The following CCSER2 variants were observed in gnomAD, a reference collection of about 807,000 sequenced individuals.
The protein encoded by CCSER2 is serine-rich coiled-coil domain-containing protein 2.
In CCSER2, 46 loss-of-function variants were observed where a neutral mutation model predicts 92.3. The ratio of observed to expected loss-of-function variants is 0.50; its 90% CI spans 0.39 to 0.64. The LOEUF is 0.64. CCSER2 is among the 30% of genes least tolerant of loss of function. The pLI is 0.00. For missense variants in CCSER2, 1,244 were observed against 1,238.9 expected (o/e 1.00, Z -0.06); for synonymous variants, 433 against 431.4 (o/e 1.00, Z -0.04).
chr10:84,494,967 CTGA>C (rs1240872392), intron 9 of CCSER2, among the ~76,000 whole-genome samples: 1 of 144,948 alleles, frequency 6.9e-6, no homozygotes, highest in Non-Finnish European at 1.5e-5. Context: ...CACAAAACTG[CTGA>C]TGTCTGCTTT....
In CCSER2 at chr10:84,441,734, A is replaced by ATTTTTTTTTTTTTT. The variant is rs1564667385; in HGVS notation, c.2064+3028_2064+3029insTTTTTTTTTTTTTT. ...GGGAATAAAGTAGAAGACTGGGAAA[A>ATTTTTTTTTTTTTT]TGTTTTTTTTTTTTTTTTTTTTTTT... On this transcript the variant is annotated intron_variant, in intron 6 of 9. Coordinates refer to ENST00000372088, the MANE Select transcript of CCSER2 (RefSeq NM_001284240.2). Among the ~76,000 whole-genome samples, 26 of 106,444 alleles carry ATTTTTTTTTTTTTT rather than the reference A, an allele frequency of 2.4e-4. 2 individuals are homozygous for ATTTTTTTTTTTTTT. The highest frequency in any genetic ancestry group is 3.7e-4 in the Non-Finnish European group (20 of 54,114). The allele number at this position is 106,444 out of a possible 152,430, so 69.8% of individuals were successfully genotyped here.
Position 84,336,530 on chromosome 10 carries a change from A to G in CCSER2, c.-40+7722A>G, listed in dbSNP as rs530794714. 2.4e-3 allele frequency among the ~76,000 whole-genome samples: 367 copies of G among 152,284 alleles called. 1 individual carries two copies. The highest frequency in any genetic ancestry group is 8.4e-3 in the African/African-American group (351 of 41,568). On this transcript the variant is annotated intron_variant, in intron 1 of 9. Coordinates refer to ENST00000372088, the MANE Select transcript of CCSER2 (RefSeq NM_001284240.2). ...GAATGTGATCTATGCAGATATTAGG[A>G]GAGAGAGAGTACTTGATGAAGATAG... is the stretch of plus-strand genomic sequence containing the variant.
intron 3 of CCSER2, among the ~76,000 whole-genome samples, chr10:84,399,907 T>TTTTC (rs1018703189): frequency 1.3e-4 from 19 of 151,092 alleles, no homozygotes; most frequent in South Asian, 2.1e-4. Context: ...TTCTGTCTTT[T>TTTTC]TTTCTTTCTT....
chr10:84,371,744 C>G lies in CCSER2; in HGVS notation c.692C>G (p.Ser231Ter). The G allele has an allele frequency of 6.2e-7, 1 of 1,613,338 alleles. No individual in the cohort carries two copies. The highest frequency in any genetic ancestry group is 8.5e-7 in the Non-Finnish European group (1 of 1,179,554). ...AGTTTTTCACATTCCATTCAGAATT[C>G]ATTCCTTCCACCTTCATCTATAACC... ...SQSFSHSIQN[S>*]FLPPSSITRS... Residue 231 changes from serine (S) to a stop codon, truncating the protein, a stop_gained, in exon 2 of 10, where the codon TCA (serine) becomes TGA (stop). Transcript: ENST00000372088. LOFTEE classifies it high-confidence loss of function.
At chr10:84,441,737 T>A (rs1327511036) in intron 6 of CCSER2, among the ~76,000 whole-genome samples, 6 of 5,104 alleles carry the variant, frequency 1.2e-3, no homozygotes, top group Admixed American at 2.6e-3. Context: ...TGGGAAAATG[T>A]TTTTTTTTTT....
chr10:84,433,307 C>T lies in CCSER2; in HGVS notation c.1869-5205C>T, dbSNP rs190501654. Among the ~76,000 whole-genome samples the T allele has an allele frequency of 4.3e-3, 659 of 152,188 alleles. 10 individuals carry two copies. Among genetic ancestry groups the T allele is most frequent in the Non-Finnish European group, 3.5e-3 (241 of 68,012 alleles). On this transcript the variant is annotated intron_variant, in intron 5 of 9. Transcript: ENST00000372088. ...AAATGTTACCACAAACATAAAAATA[C>T]GTACATTTAACTTTTAGTATAAAGT...
At chr10:84,471,710 A>T (rs1442778389) in intron 8 of CCSER2, among the ~76,000 whole-genome samples, 1 of 152,188 alleles carries the variant, frequency 6.6e-6, no homozygotes, top group Non-Finnish European at 1.5e-5. Flanking sequence ...CTGAGCCACT[A>T]GTTGGAGAAA....
intron 3 of CCSER2, among the ~76,000 whole-genome samples, chr10:84,387,428 C>T (rs142020845): frequency 1.9e-4 from 29 of 152,310 alleles, no homozygotes; most frequent in African/African-American, 7.0e-4. Flanking sequence ...TTACTCCTTT[C>T]TTCGTACGTC....
chr10:84,332,913 T>A (rs1391604741), intron 1 of CCSER2, among the ~76,000 whole-genome samples: 1 of 152,186 alleles, frequency 6.6e-6, no homozygotes, highest in Non-Finnish European at 1.5e-5. Flanking sequence ...CTTCTAGAAT[T>A]CATTTTGTTA....
At chr10:84,396,577 A>G (rs992664841) in intron 3 of CCSER2, among the ~76,000 whole-genome samples, 3 of 151,990 alleles carry the variant, frequency 2.0e-5, no homozygotes, top group Non-Finnish European at 4.4e-5. Context: ...TAAAGTACTC[A>G]TTTATTTCAT....
intron 3 of CCSER2, among the ~76,000 whole-genome samples, chr10:84,382,925 A>C (rs1840992543): frequency 6.6e-6 from 1 of 152,242 alleles, no homozygotes; most frequent in Non-Finnish European, 1.5e-5. Context: ...CATGAGGCTA[A>C]CACATTTTAT....
intron 3 of CCSER2, among the ~76,000 whole-genome samples, chr10:84,385,902 C>A (rs908462469): frequency 6.6e-5 from 10 of 151,596 alleles, no homozygotes; most frequent in South Asian, 6.3e-4. Context: ...ATGTATAACT[C>A]CATTAAAAAA....
intron 6 of CCSER2, among the ~76,000 whole-genome samples, chr10:84,446,928 C>T (rs1276170526): frequency 6.6e-6 from 1 of 151,614 alleles, no homozygotes; most frequent in African/African-American, 2.4e-5. Context: ...ATGTTTGGCT[C>T]TACTTCATTA....
At chr10:84,468,400 T>C (rs1846580326) in intron 7 of CCSER2, among the ~76,000 whole-genome samples, 1 of 152,228 alleles carries the variant, frequency 6.6e-6, no homozygotes, top group Non-Finnish European at 1.5e-5. Context: ...CCTGATCTAA[T>C]CACTATAAAT....
intron 3 of CCSER2, among the ~76,000 whole-genome samples, chr10:84,381,467 GA>G (rs1202471699): frequency 6.6e-6 from 1 of 152,146 alleles, no homozygotes; most frequent in Non-Finnish European, 1.5e-5. Context: ...TTTCATAAAT[GA>G]TAAGAGCACA....
intron 6 of CCSER2, among the ~76,000 whole-genome samples, chr10:84,454,199 T>G (rs1013949266): frequency 1.3e-5 from 2 of 152,202 alleles, no homozygotes; most frequent in African/African-American, 4.8e-5. Context: ...ATTCCTTGAT[T>G]TGTAGATGCA....
intron 1 of CCSER2, among the ~76,000 whole-genome samples, chr10:84,334,161 C>T (rs910279617): frequency 1.3e-5 from 2 of 152,160 alleles, no homozygotes; most frequent in Non-Finnish European, 2.9e-5. Context: ...ATGCTGCCAC[C>T]TCAGGCTACA....
At chr10:84,395,313 T>C (rs868032412) in intron 3 of CCSER2, among the ~76,000 whole-genome samples, 4 of 152,196 alleles carry the variant, frequency 2.6e-5, no homozygotes, top group South Asian at 4.1e-4. Flanking sequence ...ATGGGTAATA[T>C]TTTTGGAGAA....
chr10:84,436,652 A>AT (rs1491339204), intron 5 of CCSER2, among the ~76,000 whole-genome samples: 2 of 151,088 alleles, frequency 1.3e-5, no homozygotes, highest in Non-Finnish European at 3.0e-5. Context: ...AAAAAAAAAA[A>AT]GGAAGTCACT....
Sources: allele counts gnomAD v4.1 joint callset (sites outside exome capture counted in the v4.1 genomes callset), GRCh38; gene constraint gnomAD v4.1.1; transcripts MANE v1.5; gene names NCBI Gene and HGNC (gene_info 2026-07-23, HGNC 2026-07-21).